The following PLEKHA7 variants were observed in gnomAD, a reference collection of about 807,000 sequenced individuals.
PLEKHA7 encodes the protein pleckstrin homology domain containing A7.
Under a neutral mutation model 170.0 loss-of-function variants are expected in PLEKHA7, and 104 were observed. The observed-to-expected ratio is 0.61, with a 90% CI of 0.52 to 0.72. The LOEUF (loss-of-function observed/expected upper bound fraction) is 0.72. PLEKHA7 is among the 30% of genes least tolerant of loss of function. The probability of loss-of-function intolerance (pLI) is 0.00; values close to 1 mark genes in which losing one functional copy is unlikely to be tolerated. For synonymous variants in PLEKHA7, 648 were observed against 660.8 expected (o/e 0.98, Z 0.30); for missense variants, 1,615 against 1,671.7 (o/e 0.97, Z 0.59).
At chr11:16,899,453 C>G (rs951476824) in intron 3 of PLEKHA7, among the ~76,000 whole-genome samples, 4 of 152,166 alleles carry the variant, frequency 2.6e-5, no homozygotes, top group Non-Finnish European at 5.9e-5. Context: ...GCTGAGATCA[C>G]GCCATTGCAC....
intron 3 of PLEKHA7, among the ~76,000 whole-genome samples, chr11:17,007,892 T>C (rs937448239): frequency 6.6e-6 from 1 of 152,164 alleles, no homozygotes; most frequent in African/African-American, 2.4e-5. Flanking sequence ...ATTCAGTTGG[T>C]GCAAAAGTAA....
intron 19 of PLEKHA7, among the ~76,000 whole-genome samples, chr11:16,793,717 C>T (rs1244638178): frequency 6.6e-6 from 1 of 152,212 alleles, no homozygotes; most frequent in Non-Finnish European, 1.5e-5. Flanking sequence ...GACCACATCT[C>T]CTATTTCTTT....
At chr11:16,893,286 G>C (rs1856793978) in intron 3 of PLEKHA7, among the ~76,000 whole-genome samples, 1 of 152,284 alleles carries the variant, frequency 6.6e-6, no homozygotes, top group Non-Finnish European at 1.5e-5. Flanking sequence ...CTGCATCACG[G>C]TATTTCCTCT....
At chr11:16,854,751 C>T in intron 6 of PLEKHA7, 138 bp downstream of exon 6, 1 of 686,094 alleles carries the variant, frequency 1.5e-6, no homozygotes. Flanking sequence ...TGCAGTGCAG[C>T]AGGTAGAATC....
At chr11:16,980,020 A>G (rs897258103) in intron 3 of PLEKHA7, among the ~76,000 whole-genome samples, 2 of 152,196 alleles carry the variant, frequency 1.3e-5, no homozygotes, top group Non-Finnish European at 2.9e-5. Flanking sequence ...GGAGGCAAAA[A>G]TGGGTACGAC....
At chr11:16,945,361 G>A (rs1860959753) in intron 3 of PLEKHA7, among the ~76,000 whole-genome samples, 1 of 152,126 alleles carries the variant, frequency 6.6e-6, no homozygotes, top group African/African-American at 2.4e-5. Context: ...TATTCTACTA[G>A]CCAGTAATAG....
chr11:17,003,703 C>T (rs1004451253), intron 3 of PLEKHA7, among the ~76,000 whole-genome samples: 1 of 152,104 alleles, frequency 6.6e-6, no homozygotes, highest in Non-Finnish European at 1.5e-5. Context: ...ACTTGGATAC[C>T]GTCTCTTTAC....
chr11:16,856,258 C>T (rs181118065), intron 4 of PLEKHA7, among the ~76,000 whole-genome samples: 99 of 152,294 alleles, frequency 6.5e-4, no homozygotes, highest in Non-Finnish European at 1.2e-3. Context: ...ACAGATGTGC[C>T]ACTCTTCTCA....
Position 16,871,190 on chromosome 11 carries a change from G to C in PLEKHA7, c.222-8C>G, listed in dbSNP as rs764242750. The C allele has an allele frequency of 9.4e-6, 15 of 1,594,594 alleles. No individual in the cohort carries two copies. In the East Asian group the frequency reaches 3.1e-4, roughly 33 times the overall value. On this transcript the variant is annotated splice_polypyrimidine_tract_variant and splice_region_variant and intron_variant, in intron 3 of 26. Coordinates refer to ENST00000531066, the MANE Select transcript of PLEKHA7 (RefSeq NM_001329630.2). ...GTGGTCTGCTGGTTATGGCTAAAGA[G>C]AAAGAGAGAAGATGGATGAGAATTC... is the stretch of plus-strand genomic sequence containing the variant.
At chr11:16,833,207 T>A (rs1239175082) in intron 9 of PLEKHA7, among the ~76,000 whole-genome samples, 1 of 152,192 alleles carries the variant, frequency 6.6e-6, no homozygotes, top group Non-Finnish European at 1.5e-5. Context: ...ACAGCTTTGA[T>A]GACACCCTCC....
At chr11:17,006,125 C>G (rs1864973999) in intron 3 of PLEKHA7, among the ~76,000 whole-genome samples, 1 of 151,886 alleles carries the variant, frequency 6.6e-6, no homozygotes, top group African/African-American at 2.4e-5. Context: ...AATCCCAGCA[C>G]TTTAGGAAGC....
intron 24 of PLEKHA7, 76 bp from the exon 25 acceptor site, chr11:16,783,909 C>T: frequency 2.3e-6 from 3 of 1,291,260 alleles, no homozygotes; most frequent in Non-Finnish European, 3.0e-6. Context: ...CCACCTCTGT[C>T]CCCTCCCACC....
intron 3 of PLEKHA7, among the ~76,000 whole-genome samples, chr11:16,871,444 C>T (rs1218470749): frequency 3.3e-5 from 5 of 152,166 alleles, no homozygotes; most frequent in Admixed American, 3.3e-4. Context: ...GAGAATACTG[C>T]ATCTTGGAGA....
intron 3 of PLEKHA7, among the ~76,000 whole-genome samples, chr11:16,894,899 A>T (rs774640183): frequency 6.6e-6 from 1 of 152,036 alleles, no homozygotes; most frequent in Non-Finnish European, 1.5e-5. Flanking sequence ...CACTCCAGGC[A>T]CTCTGCAGGC....
chr11:16,847,174 G>A (rs1364737027), intron 8 of PLEKHA7, among the ~76,000 whole-genome samples: 1 of 134,900 alleles, frequency 7.4e-6, no homozygotes, highest in African/African-American at 2.9e-5. Context: ...TCAGCTCACT[G>A]CAAGCTCCGT....
At position 16,802,952 on chromosome 11, in the gene PLEKHA7, T is replaced by C. The variant is rs777518747; in HGVS notation, c.2157+20A>G. 6.3e-7 allele frequency: 1 copy of C among 1,593,134 alleles called. No homozygotes were observed. The highest frequency in any genetic ancestry group is 8.6e-7 in the Non-Finnish European group (1 of 1,160,738). On this transcript the variant is annotated intron_variant, in intron 15 of 26. Coordinates refer to ENST00000531066, the MANE Select transcript of PLEKHA7 (RefSeq NM_001329630.2). The stretch of plus-strand genomic sequence containing the variant: ...AATGTCCCTCTGCCCATTCCAAGAT[T>C]ATTCAAAACTGACACGTACTTTGTT...
intron 3 of PLEKHA7, among the ~76,000 whole-genome samples, chr11:16,979,670 A>G (rs182761329): frequency 7.9e-5 from 12 of 152,194 alleles, no homozygotes; most frequent in Admixed American, 2.0e-4. Context: ...TACTTGCAAA[A>G]TACTCAAACT....
At chr11:16,949,010 C>T (rs1343492839) in intron 3 of PLEKHA7, among the ~76,000 whole-genome samples, 2 of 152,174 alleles carry the variant, frequency 1.3e-5, no homozygotes, top group Non-Finnish European at 2.9e-5. Flanking sequence ...TCCCCTTGTG[C>T]CTGTCCACTC....
intron 3 of PLEKHA7, among the ~76,000 whole-genome samples, chr11:16,897,353 T>G (rs930871182): frequency 6.6e-6 from 1 of 152,102 alleles, no homozygotes; most frequent in African/African-American, 2.4e-5. Flanking sequence ...ACCCATCACA[T>G]TACCCAGCTG....
Sources: allele counts gnomAD v4.1 joint callset (sites outside exome capture counted in the v4.1 genomes callset), GRCh38; gene constraint gnomAD v4.1.1; transcripts MANE v1.5; gene names NCBI Gene and HGNC (gene_info 2026-07-23, HGNC 2026-07-21).